PLD1: variants seen among roughly 807,000 people sequenced by gnomAD.
PLD1 encodes phospholipase D1, also known as choline phosphatase 1.
A neutral mutation model predicts 137.1 loss-of-function variants in PLD1; 112 were observed. The observed-to-expected ratio is 0.82, with a 90% CI of 0.70 to 0.96. The LOEUF (loss-of-function observed/expected upper bound fraction) is 0.96, where lower values mean the gene tolerates loss of function less well. Ranked by LOEUF, PLD1 falls within the 40% of genes least tolerant of loss-of-function variation. PLD1 has a pLI of 0.00. For missense variants in PLD1, 1,321 were observed against 1,342.0 expected, an observed-to-expected ratio of 0.98 and a Z score of 0.24; for synonymous variants, 431 against 454.7, an observed-to-expected ratio of 0.95 and a Z score of 0.66.
intron 24 of PLD1, among the ~76,000 whole-genome samples, chr3:171,619,698 C>T (rs1183989762): frequency 1.3e-5 from 2 of 152,144 alleles, no homozygotes; most frequent in Admixed American, 6.5e-5. Context: ...TAAACACATA[C>T]GAATTACCAC....
intron 25 of PLD1, among the ~76,000 whole-genome samples, chr3:171,609,257 G>T (rs570376339): frequency 2.0e-5 from 3 of 152,074 alleles, no homozygotes; most frequent in Non-Finnish European, 4.4e-5. Flanking sequence ...GTGAGGATGT[G>T]GAGAAAAGGG....
chr3:171,707,123 A>G (rs1345154458), intron 11 of PLD1, among the ~76,000 whole-genome samples: 5 of 152,224 alleles, frequency 3.3e-5, no homozygotes, highest in Non-Finnish European at 5.9e-5. Context: ...TGATGAGAAC[A>G]CATGGACACA....
intron 23 of PLD1, among the ~76,000 whole-genome samples, chr3:171,632,937 T>G: frequency 6.6e-6 from 1 of 152,218 alleles, no homozygotes; most frequent in East Asian, 1.9e-4. Flanking sequence ...CACTCATCCT[T>G]GACTATGCAA....
chr3:171,663,499 T>C (rs1340963980), intron 19 of PLD1, among the ~76,000 whole-genome samples: 1 of 152,200 alleles, frequency 6.6e-6, no homozygotes, highest in African/African-American at 2.4e-5. Flanking sequence ...AGGCCTGGTA[T>C]CTATTAAGTG....
Position 171,620,762 on chromosome 3 carries a change from ATATATATTATATATATT to A in PLD1, c.2594-259_2594-243del, listed in dbSNP as rs1733554548. Among the ~76,000 whole-genome samples the A allele has an allele frequency of 2.3e-5, 3 of 129,356 alleles. No individual in the cohort carries two copies. The South Asian group carries it at 6.5e-4, about 28-fold the overall frequency. The allele number at this position is 129,356 out of a possible 152,430, so 84.9% of individuals were successfully genotyped here. A position where few individuals can be genotyped will look rare whatever the true frequency, so the allele number is the denominator to read the frequency against. On this transcript the variant is annotated intron_variant, in intron 23 of 26. Coordinates refer to ENST00000351298, the MANE Select transcript of PLD1 (RefSeq NM_002662.5). ...TCTCTCTATATATATATATATATATATATATATTATATATATTTTTTTTTTAATTGAAGTGTTTTCTG... is the reference window on the plus strand; with the variant it reads ...TCTCTCTATATATATATATATATATATTTTTTTTAATTGAAGTGTTTTCTG...
At chr3:171,659,429 C>A in intron 20 of PLD1, 128 bp from the exon 21 acceptor site, 1 of 608,594 alleles carries the variant, frequency 1.6e-6, no homozygotes, top group South Asian at 2.5e-5. Context: ...GAAATCACAT[C>A]AAGAAAGTCA....
intron 1 of PLD1, among the ~76,000 whole-genome samples, chr3:171,758,842 G>A (rs1449503414): frequency 2.0e-5 from 3 of 152,178 alleles, no homozygotes; most frequent in Non-Finnish European, 4.4e-5. Flanking sequence ...GGTGACAGAA[G>A]CAATAACTGA....
In PLD1 at chr3:171,601,519, G is replaced by T. The variant is rs990723640; in HGVS notation, c.*1559C>A. On this transcript the variant is annotated 3_prime_UTR_variant, in exon 27 of 27. Transcript: ENST00000351298. ...ATAAAAACATTCATTTTTATTATTG[G>T]TTACAAAATCTCACCTTATTTGTGA... 1 of 151,762 alleles carries T rather than the reference G, an allele frequency of 6.6e-6. No homozygotes were observed. Among genetic ancestry groups the T allele is most frequent in the Non-Finnish European group, 1.5e-5 (1 of 67,976 alleles). 9.4% of individuals were successfully genotyped at this position (151,762 alleles called of 1,614,324 possible).
rs142795360 is a variant in PLD1 at position 171,729,533 on chromosome 3, A to G, written c.607-3457T>C. Among the ~76,000 whole-genome samples, 7 of 152,312 alleles carry G rather than the reference A, an allele frequency of 4.6e-5. No individual in the cohort carries two copies. In the East Asian group the frequency reaches 1.3e-3, roughly 29 times the overall value. ...GGCTCCTTTTATTTACCAGGTAGCA[A>G]AAACTCAAGTAAATGGCCAGGTGGG... On this transcript the variant is annotated intron_variant, in intron 6 of 26. Coordinates refer to ENST00000351298, the MANE Select transcript of PLD1 (RefSeq NM_002662.5).
At chr3:171,700,677 C>T (rs1445954322) in intron 11 of PLD1, among the ~76,000 whole-genome samples, 18 of 152,128 alleles carry the variant, frequency 1.2e-4, no homozygotes. Flanking sequence ...ACATGACTTC[C>T]TATACAAAGA....
intron 1 of PLD1, among the ~76,000 whole-genome samples, chr3:171,768,474 T>C (rs373224637): frequency 5.9e-5 from 9 of 152,312 alleles, no homozygotes; most frequent in Admixed American, 4.6e-4. Context: ...GCTGCAAAGA[T>C]CAAGACTATG....
intron 16 of PLD1, 45 bp from the exon 17 acceptor site, chr3:171,677,739 G>C (rs768709415): frequency 6.3e-7 from 1 of 1,584,466 alleles, no homozygotes; most frequent in South Asian, 1.2e-5. Flanking sequence ...GTTCAGGTGA[G>C]TCCCAGAAAG....
At chr3:171,788,250 C>CTTTTTTTTTTT (rs58878929) in intron 1 of PLD1, among the ~76,000 whole-genome samples, 1 of 110,562 alleles carries the variant, frequency 9.0e-6, no homozygotes, top group African/African-American at 3.4e-5. Context: ...ATCTGCACTT[C>CTTTTTTTTTTT]TTTTTTTTTT....
In PLD1 at chr3:171,654,031, C is replaced by T. The variant is rs193039942; in HGVS notation, c.2429+5182G>A. The T allele has an allele frequency of 1.5e-4, 53 of 355,062 alleles. 1 individual carries two copies. In the East Asian group the frequency reaches 4.8e-3, roughly 32 times the overall value. The allele number at this position is 355,062 out of a possible 1,614,324, so 22.0% of individuals were successfully genotyped here. ...TTACAGGCAAGCAGTAGCTCTTCTACAGTTATAAGAAGCATGAGGGGCACT... is the reference window on the plus strand; with the variant it reads ...TTACAGGCAAGCAGTAGCTCTTCTATAGTTATAAGAAGCATGAGGGGCACT... On this transcript the variant is annotated intron_variant, in intron 21 of 26. Coordinates refer to ENST00000351298, the MANE Select transcript of PLD1 (RefSeq NM_002662.5).
At chr3:171,753,659 A>G (rs1268338798) in intron 1 of PLD1, among the ~76,000 whole-genome samples, 1 of 152,122 alleles carries the variant, frequency 6.6e-6, no homozygotes. Flanking sequence ...AAACATTGGA[A>G]GAAGACCCCT....
At chr3:171,781,890 T>C (rs1023634788) in intron 1 of PLD1, among the ~76,000 whole-genome samples, 1 of 152,064 alleles carries the variant, frequency 6.6e-6, no homozygotes, top group Non-Finnish European at 1.5e-5. Flanking sequence ...AAAGTATTTA[T>C]CCAAGAGAAA....
chr3:171,705,076 A>C (rs1056457985), intron 11 of PLD1, among the ~76,000 whole-genome samples: 1 of 152,182 alleles, frequency 6.6e-6, no homozygotes. Flanking sequence ...CTCCTGTTGC[A>C]TGGCCTGGTT....
intron 26 of PLD1, among the ~76,000 whole-genome samples, chr3:171,603,707 T>G (rs938321455): frequency 6.6e-6 from 1 of 152,224 alleles, no homozygotes; most frequent in Admixed American, 6.5e-5. Flanking sequence ...ATTGTTAATA[T>G]GTAACACTTA....
chr3:171,619,128 G>A (rs1240309188), intron 24 of PLD1, among the ~76,000 whole-genome samples: 1 of 152,116 alleles, frequency 6.6e-6, no homozygotes, highest in Non-Finnish European at 1.5e-5. Context: ...TGAAACAGAT[G>A]AGCAGAATTC....
Sources: gnomAD v4.1 joint callset for allele counts (sites outside exome capture counted in the v4.1 genomes callset) on GRCh38, gnomAD v4.1.1 for gene constraint, MANE v1.5 for transcripts, NCBI Gene and HGNC (gene_info 2026-07-23, HGNC 2026-07-21) for gene names.